COL16A1: variants seen among roughly 807,000 people sequenced by gnomAD.
COL16A1 encodes the protein collagen alpha-1(XVI) chain.
Under a neutral mutation model 266.3 loss-of-function variants are expected in COL16A1, and 189 were observed. That is an observed-to-expected ratio of 0.71 (90% confidence interval 0.63 to 0.80). The LOEUF (loss-of-function observed/expected upper bound fraction) is 0.80, where lower values mean the gene tolerates loss of function less well. COL16A1 is among the 30% of genes least tolerant of loss of function. The pLI is 0.00. For missense variants in COL16A1, 1,928 were observed against 2,122.4 expected, an observed-to-expected ratio of 0.91 and a Z score of 1.80; for synonymous variants, 740 against 782.3, an observed-to-expected ratio of 0.95 and a Z score of 0.90.
At chr1:31,687,400 A>G (rs1465830045) in intron 26 of COL16A1, among the ~76,000 whole-genome samples, 2 of 127,278 alleles carry the variant, frequency 1.6e-5, no homozygotes, top group African/African-American at 5.6e-5. Context: ...AAAAAAAAAA[A>G]CCAACAACGC....
rs58530152 is a variant in COL16A1, at chr1:31,656,823, T to TAA, written c.4056+208_4056+209dup. The TAA allele has an allele frequency of 4.8e-3, 2,288 of 479,802 alleles. 33 individuals carry two copies. Among genetic ancestry groups the TAA allele is most frequent in the African/African-American group, 0.037 (1,723 of 46,018 alleles). 29.7% of individuals were successfully genotyped at this position (479,802 alleles called of 1,614,324 possible). On this transcript the variant is annotated intron_variant, in intron 65 of 70. Coordinates refer to ENST00000373672, the MANE Select transcript of COL16A1 (RefSeq NM_001856.4). The surrounding 1 kb of genome is among the most constrained non-coding windows in gnomAD (Gnocchi z 4.2). The stretch of plus-strand genomic sequence containing the variant: ...TTTCTTTTTGACCAGGTACAGGGTT[T>TAA]AAAAAAAAAAAAAAAAAGGTAAAAC...
intron 12 of COL16A1, 110 bp from the exon 13 acceptor site, chr1:31,693,264 G>A (rs557015744): frequency 2.1e-5 from 15 of 708,330 alleles, no homozygotes; most frequent in Admixed American, 6.5e-5. Context: ...ACACGGGTAC[G>A]CAAATACGCA....
At chr1:31,691,321 G>A in intron 19 of COL16A1, 95 bp from the exon 20 acceptor site, 1 of 1,588,630 alleles carries the variant, frequency 6.3e-7, no homozygotes, top group Non-Finnish European at 8.6e-7. Flanking sequence ...CAGGATCCCT[G>A]GGACAGAGCC....
In COL16A1 at chr1:31,688,558, C is replaced by T. The variant is rs2148794284; in HGVS notation, c.1768-56G>A. Reference sequence around the variant, plus strand: ...TCTCCCCACTCCCACCTCTCCAAGGCTCCCCGGGTCCCAGTGTCCAACCAG... The same window carrying T: ...TCTCCCCACTCCCACCTCTCCAAGGTTCCCCGGGTCCCAGTGTCCAACCAG... On this transcript the variant is annotated intron_variant, in intron 25 of 70. Coordinates refer to ENST00000373672, the MANE Select transcript of COL16A1 (RefSeq NM_001856.4). This position sits in a 1 kb window ranked among gnomAD's most constrained non-coding sequence, Gnocchi z 4.9. 6.2e-7 allele frequency: 1 copy of T among 1,609,714 alleles called. No homozygotes were observed. The highest frequency in any genetic ancestry group is 8.5e-7 in the Non-Finnish European group (1 of 1,176,018).
In COL16A1 at chr1:31,661,636, A is replaced by G. The variant is rs773341487; in HGVS notation, c.3726+24T>C. The stretch of plus-strand genomic sequence containing the variant: ...AGAAGCTGCAACTTCGCAGCTTCCA[A>G]CTCCTTCCTGCAGCTCAACTTACCG... On this transcript the variant is annotated intron_variant, in intron 59 of 70. Coordinates refer to ENST00000373672, the MANE Select transcript of COL16A1 (RefSeq NM_001856.4). The G allele has an allele frequency of 4.3e-6, 7 of 1,613,880 alleles. No homozygotes were observed. In the Admixed American group the frequency reaches 5.0e-5, roughly 12 times the overall value.
chr1:31,684,772 A>T (rs749425022), intron 30 of COL16A1, 49 bp downstream of exon 30: 7 of 1,613,674 alleles, frequency 4.3e-6, no homozygotes, highest in Middle Eastern at 1.7e-4. Flanking sequence ...CAAGGAGGGG[A>T]TCTGAGATGA....
intron 4 of COL16A1, among the ~76,000 whole-genome samples, chr1:31,699,578 C>T (rs911677512): frequency 1.3e-5 from 2 of 152,204 alleles, no homozygotes; most frequent in African/African-American, 4.8e-5. Flanking sequence ...AGGATGCAGA[C>T]CTGTTCCCAC....
In COL16A1 at chr1:31,698,778, T is replaced by C. The variant is rs567372070; in HGVS notation, c.267-172A>G. On this transcript the variant is annotated intron_variant, in intron 4 of 70. Coordinates refer to ENST00000373672, the MANE Select transcript of COL16A1 (RefSeq NM_001856.4). The surrounding 1 kb of genome is among the most constrained non-coding windows in gnomAD (Gnocchi z 4.1). ...TACTGAGTGCCTTCCGCGAGCTAGG[T>C]GCGGGTCTGGCTGCTGGGAATAACA... 6.6e-6 allele frequency among the ~76,000 whole-genome samples: 1 copy of C among 152,194 alleles called. No homozygotes were observed. The highest frequency in any genetic ancestry group is 1.9e-4 in the East Asian group (1 of 5,162).
In COL16A1 at chr1:31,658,894, G is replaced by A. The variant is rs1283845099; in HGVS notation, c.3930+20C>T. 8 of 1,551,966 alleles carry A rather than the reference G, an allele frequency of 5.2e-6. No individual in the cohort carries two copies. The highest frequency in any genetic ancestry group is 7.0e-6 in the Non-Finnish European group (8 of 1,147,210). On this transcript the variant is annotated intron_variant, in intron 63 of 70. Transcript: ENST00000373672. The stretch of plus-strand genomic sequence containing the variant: ...GGCAAAACTCCTGGGAGGGAGGAAG[G>A]AGTGGAGCATGTTACTCACCACTGC...
intron 9 of COL16A1, 22 bp downstream of exon 9, chr1:31,696,066 C>T (rs767410667): frequency 1.3e-5 from 20 of 1,590,464 alleles, no homozygotes; most frequent in South Asian, 3.3e-5. Context: ...AGGTAGGCTC[C>T]TCCCCCCACC....
In COL16A1 at chr1:31,664,722, C is replaced by T. The variant is rs77730882; in HGVS notation, c.3555+450G>A. 0.029 allele frequency among the ~76,000 whole-genome samples: 4,374 copies of T among 152,250 alleles called. 225 individuals carry two copies. Among genetic ancestry groups the T allele is most frequent in the African/African-American group, 0.1 (4,157 of 41,520 alleles). On this transcript the variant is annotated intron_variant, in intron 56 of 70. Coordinates refer to ENST00000373672, the MANE Select transcript of COL16A1 (RefSeq NM_001856.4). The surrounding 1 kb of genome is among the most constrained non-coding windows in gnomAD (Gnocchi z 5.5). ...TGGGCCCTTGGGGACAACTGGAGCA[C>T]GGCTACCCAGGAGGAGCCCATTCCC...
intron 20 of COL16A1, 150 bp from the exon 21 acceptor site, chr1:31,690,723 G>T: frequency 1.5e-6 from 2 of 1,324,310 alleles, no homozygotes; most frequent in Non-Finnish European, 2.0e-6. Flanking sequence ...GGTTCCTGTT[G>T]CCTGCCCTCC....
At chr1:31,667,737 A>G (rs1642264595) in intron 51 of COL16A1, 109 bp from the exon 52 acceptor site, 1 of 1,108,892 alleles carries the variant, frequency 9.0e-7, no homozygotes, top group Non-Finnish European at 1.3e-6. Flanking sequence ...CTCTGGGGGA[A>G]TGGCACTGGG....
Position 31,654,787 on chromosome 1 carries a change from G to A in COL16A1, c.4357+5C>T, listed in dbSNP as rs751579594. On this transcript the variant is annotated splice_donor_5th_base_variant and intron_variant, in intron 68 of 70. Coordinates refer to ENST00000373672, the MANE Select transcript of COL16A1 (RefSeq NM_001856.4). ...CCCACTGCCACCCAGCTGGCTGCCAGTTACCATCAAACATTTTAATGATCT... is the reference window on the plus strand; with the variant it reads ...CCCACTGCCACCCAGCTGGCTGCCAATTACCATCAAACATTTTAATGATCT... 1.9e-6 allele frequency: 3 copies of A among 1,614,010 alleles called. No homozygotes were observed. The East Asian group carries it at 6.7e-5, about 36-fold the overall frequency.
intron 68 of COL16A1, among the ~76,000 whole-genome samples, chr1:31,654,381 G>T (rs908640886): frequency 6.6e-6 from 1 of 152,172 alleles, no homozygotes; most frequent in African/African-American, 2.4e-5. Flanking sequence ...GCCCTTTCAG[G>T]ACAGGGCCTG....
intron 66 of COL16A1, chr1:31,655,831 G>C (rs979676158): frequency 2.7e-6 from 1 of 366,962 alleles, no homozygotes. Context: ...CCTCCCACCA[G>C]ACCTCACTGG....
At chr1:31,689,256 C>A (rs1285107029) in intron 23 of COL16A1, 171 bp from the exon 24 acceptor site, 2 of 1,082,240 alleles carry the variant, frequency 1.8e-6, no homozygotes, top group East Asian at 2.6e-5. Context: ...ACCCACATAA[C>A]AAGCAGGAGC....
Position 31,661,441 on chromosome 1 carries a change from T to C in COL16A1, c.3744A>G (p.Thr1248=). The change falls in exon 60 of 71, where the codon ACA becomes ACG. Residue 1248 remains threonine, a synonymous_variant. Transcript: ENST00000373672. ...LMGPPGFKGK[T]GHPGLPGPKG... ...TAGGTCCTGGGAGGCCAGGATGTCC[T>C]GTTTTCCCCTTAAAGCCCTGAAAGA... is the stretch of plus-strand genomic sequence containing the variant. 6.2e-7 allele frequency: 1 copy of C among 1,614,154 alleles called. No individual in the cohort carries two copies. Among genetic ancestry groups the C allele is most frequent in the Non-Finnish European group, 8.5e-7 (1 of 1,180,044 alleles).
chr1:31,703,479 A>G (rs1394112336), intron 1 of COL16A1, among the ~76,000 whole-genome samples: 3 of 151,972 alleles, frequency 2.0e-5, no homozygotes, highest in Middle Eastern at 3.4e-3. Context: ...CTGCCAGCCA[A>G]TAGAAGGGCT....
Sources: allele counts gnomAD v4.1 joint callset (sites outside exome capture counted in the v4.1 genomes callset), GRCh38; gene constraint gnomAD v4.1.1; non-coding constraint Gnocchi (gnomAD v3.1); transcripts MANE v1.5; gene names NCBI Gene and HGNC (gene_info 2026-07-23, HGNC 2026-07-21).